IGF1R: variants seen among roughly 807,000 people sequenced by gnomAD.
The protein encoded by IGF1R is insulin-like growth factor 1 receptor.
In IGF1R, 44 loss-of-function variants were observed where a neutral mutation model predicts 144.6. The observed-to-expected ratio is 0.30, with a 90% CI of 0.24 to 0.39. The LOEUF is 0.39. Among genes scored for constraint, IGF1R ranks in the 10% least tolerant of loss-of-function variants. IGF1R has a pLI of 1.00. For synonymous variants in IGF1R, 795 were observed against 722.8 expected (o/e 1.10, Z -1.60); for missense variants, 1,355 against 1,833.7 (o/e 0.74, Z 4.77).
intron 2 of IGF1R, among the ~76,000 whole-genome samples, chr15:98,747,218 CAG>C (rs1298906131): frequency 2.0e-5 from 3 of 152,036 alleles, no homozygotes; most frequent in South Asian, 2.1e-4. Context: ...GTTTTTGAGA[CAG>C]AGTTTCACTC....
chr15:98,770,889 G>C (rs771986055), intron 2 of IGF1R, among the ~76,000 whole-genome samples: 9 of 152,058 alleles, frequency 5.9e-5, no homozygotes, highest in Non-Finnish European at 1.3e-4. Flanking sequence ...TTGGTAGAAG[G>C]GTCCCCAAAA....
intron 2 of IGF1R, among the ~76,000 whole-genome samples, chr15:98,720,853 A>G (rs1236203303): frequency 1.3e-5 from 2 of 152,208 alleles, no homozygotes; most frequent in Non-Finnish European, 2.9e-5. Flanking sequence ...TTTCCACTAA[A>G]GTAAGCTTTC....
chr15:98,876,677 T>C (rs2141618588), intron 2 of IGF1R, among the ~76,000 whole-genome samples: 1 of 152,360 alleles, frequency 6.6e-6, no homozygotes, highest in South Asian at 2.1e-4. Flanking sequence ...TATGTTTTTT[T>C]CCGAGGCACT....
chr15:98,692,967 T>C (rs890894508), intron 1 of IGF1R, among the ~76,000 whole-genome samples: 1 of 152,162 alleles, frequency 6.6e-6, no homozygotes, highest in Non-Finnish European at 1.5e-5. Context: ...TCCAGCGTGA[T>C]TGCATTTTGC....
intron 20 of IGF1R, among the ~76,000 whole-genome samples, chr15:98,956,735 T>C (rs1479004188): frequency 6.6e-6 from 1 of 152,264 alleles, no homozygotes. Context: ...TTTTGTTTCT[T>C]AGCACTGCCA....
At chr15:98,678,015 G>T (rs576598576) in intron 1 of IGF1R, among the ~76,000 whole-genome samples, 3 of 152,254 alleles carry the variant, frequency 2.0e-5, no homozygotes, top group Admixed American at 6.5e-5. Flanking sequence ...AATGTGTAAG[G>T]CATCTTTTGG....
At chr15:98,741,679 T>A (rs1567105443) in intron 2 of IGF1R, among the ~76,000 whole-genome samples, 1 of 152,176 alleles carries the variant, frequency 6.6e-6, no homozygotes, top group Non-Finnish European at 1.5e-5. Flanking sequence ...TTCTGTAGAG[T>A]CTTTTGCAAA....
intron 2 of IGF1R, among the ~76,000 whole-genome samples, chr15:98,710,952 G>A (rs1479972387): frequency 6.6e-6 from 1 of 152,170 alleles, no homozygotes; most frequent in East Asian, 1.9e-4. Context: ...TTACAGGTGT[G>A]AGCCACCATG....
At chr15:98,733,701 C>G (rs76333926) in intron 2 of IGF1R, among the ~76,000 whole-genome samples, 2 of 152,124 alleles carry the variant, frequency 1.3e-5, no homozygotes, top group East Asian at 1.9e-4. Flanking sequence ...GACCTCCCCC[C>G]ACTGTAAGGT....
chr15:98,693,595 C>G (rs527348721), intron 1 of IGF1R, among the ~76,000 whole-genome samples: 1 of 152,118 alleles, frequency 6.6e-6, no homozygotes, highest in African/African-American at 2.4e-5. Context: ...GTTCCCTGAT[C>G]GAATGACCTC....
In IGF1R at chr15:98,760,090, A is replaced by C. The variant is rs575220778; in HGVS notation, c.640+51983A>C. The stretch of plus-strand genomic sequence containing the variant: ...CGCGGTGGCTCACGCCTGTAATCCC[A>C]GCACTTTGGGAGGCCACGGTGAGTG... On this transcript the variant is annotated intron_variant, in intron 2 of 20. Transcript: ENST00000650285. 1.3e-4 allele frequency among the ~76,000 whole-genome samples: 20 copies of C among 152,216 alleles called. No individual in the cohort carries two copies. In the South Asian group the frequency reaches 3.9e-3, roughly 30 times the overall value.
chr15:98,796,216 G>A (rs1675929610), intron 2 of IGF1R, among the ~76,000 whole-genome samples: 1 of 152,062 alleles, frequency 6.6e-6, no homozygotes, highest in Non-Finnish European at 1.5e-5. Context: ...GCTGGCGTTA[G>A]TAGTAGACTG....
At chr15:98,917,239 A>G (rs2015295525) in intron 10 of IGF1R, among the ~76,000 whole-genome samples, 1 of 152,196 alleles carries the variant, frequency 6.6e-6, no homozygotes, top group Non-Finnish European at 1.5e-5. Context: ...ATTTGGGTCC[A>G]TCTCTGCCCT....
rs61131131 is a variant in IGF1R at position 98,720,975 on chromosome 15, G to A, written c.640+12868G>A. Among the ~76,000 whole-genome samples, 712 of 152,254 alleles carry A rather than the reference G, an allele frequency of 4.7e-3. 5 individuals carry two copies. Among genetic ancestry groups the A allele is most frequent in the African/African-American group, 0.016 (662 of 41,536 alleles). On this transcript the variant is annotated intron_variant, in intron 2 of 20. Coordinates refer to ENST00000650285, the MANE Select transcript of IGF1R (RefSeq NM_000875.5). ...GCTGAAATGCTGGGGACTCTGAAGC[G>A]CAGCTGGAGTGATCAAAGCAAAATT...
intron 2 of IGF1R, among the ~76,000 whole-genome samples, chr15:98,753,017 C>G (rs147322539): frequency 0.02 from 3,025 of 147,620 alleles, 91 homozygotes; most frequent in African/African-American, 0.07. Context: ...CTCACTGCAA[C>G]CTCCGCCTCC....
chr15:98,778,617 A>G (rs148470984), intron 2 of IGF1R, among the ~76,000 whole-genome samples: 3 of 152,324 alleles, frequency 2.0e-5, no homozygotes, highest in Non-Finnish European at 4.4e-5. Context: ...CTGGGTGGCC[A>G]TATCCTGATT....
rs1458934557 is a variant in IGF1R at position 98,648,787 on chromosome 15, C to G, written c.-795C>G. 6.9e-6 allele frequency among the ~76,000 whole-genome samples: 1 copy of G among 144,214 alleles called. No homozygotes were observed. Among genetic ancestry groups the G allele is most frequent in the Non-Finnish European group, 1.5e-5 (1 of 65,252 alleles). 94.6% of individuals were successfully genotyped at this position (144,214 alleles called of 152,430 possible). A position where few individuals can be genotyped will look rare whatever the true frequency, so the allele number is the denominator to read the frequency against. On this transcript the variant is annotated 5_prime_UTR_variant, in exon 1 of 21. Coordinates refer to ENST00000650285, the MANE Select transcript of IGF1R (RefSeq NM_000875.5). ...ACGCCCCTCCCGCGCGGGGGCAGCT[C>G]CACGGCGCGCCTCGCCTCGGCTGTG...
chr15:98,701,574 C>G (rs947253819), intron 1 of IGF1R, among the ~76,000 whole-genome samples: 1 of 152,080 alleles, frequency 6.6e-6, no homozygotes, highest in East Asian at 1.9e-4. Flanking sequence ...TCTTCTGACC[C>G]GTGATCCTAC....
intron 1 of IGF1R, among the ~76,000 whole-genome samples, chr15:98,661,430 G>A (rs1246787104): frequency 6.6e-6 from 1 of 152,180 alleles, no homozygotes; most frequent in East Asian, 1.9e-4. Flanking sequence ...CTCCTCTTCC[G>A]AGGAGTGGGG....
Sources: allele counts gnomAD v4.1 joint callset (sites outside exome capture counted in the v4.1 genomes callset), GRCh38; gene constraint gnomAD v4.1.1; transcripts MANE v1.5; gene names NCBI Gene and HGNC (gene_info 2026-07-23, HGNC 2026-07-21).